The following NPAS3 variants were observed in gnomAD, a reference collection of about 807,000 sequenced individuals.
NPAS3 encodes the protein neuronal PAS domain-containing protein 3.
In NPAS3, 14 loss-of-function variants were observed where a neutral mutation model predicts 73.1. The ratio of observed to expected loss-of-function variants is 0.19; its 90% CI spans 0.13 to 0.30. The LOEUF is 0.30. Ranked by LOEUF, NPAS3 falls within the 10% of genes least tolerant of loss-of-function variation. The pLI, the probability that NPAS3 is intolerant of heterozygous loss-of-function variation, is 1.00. For synonymous variants in NPAS3, 620 were observed against 541.5 expected (o/e 1.14, Z -2.01); for missense variants, 1,096 against 1,250.0 (o/e 0.88, Z 1.86).
In NPAS3 at chr14:33,664,102, C is replaced by G. The variant is rs183835993; in HGVS notation, c.559-12109C>G. On this transcript the variant is annotated intron_variant, in intron 5 of 11. Coordinates refer to ENST00000356141, the Ensembl canonical transcript of NPAS3. ...AAGAACAAAGCTGGAGACATCATGC[C>G]ACCTGACTTCGAACTATACTACAAT... 2.8e-3 allele frequency among the ~76,000 whole-genome samples: 426 copies of G among 152,106 alleles called. 4 individuals carry two copies. The highest frequency in any genetic ancestry group is 9.4e-3 in the African/African-American group (389 of 41,492).
chr14:33,657,303 A>G (rs754939191), intron 5 of NPAS3, among the ~76,000 whole-genome samples: 2 of 152,212 alleles, frequency 1.3e-5, no homozygotes, highest in Non-Finnish European at 2.9e-5. Context: ...GAGGCCACAT[A>G]CAGAAAAGCC....
chr14:33,047,272 G>T (rs2040541902), intron 1 of NPAS3, among the ~76,000 whole-genome samples: 1 of 152,144 alleles, frequency 6.6e-6, no homozygotes, highest in African/African-American at 2.4e-5. Context: ...TCAAGCATAT[G>T]CAAGGTTAAT....
intron 7 of NPAS3, among the ~76,000 whole-genome samples, chr14:33,742,771 G>A (rs1052716064): frequency 8.5e-5 from 13 of 152,196 alleles, no homozygotes; most frequent in African/African-American, 3.1e-4. Context: ...CAAAACTGAA[G>A]TCAAGCTTTT....
At chr14:33,448,519 CT>C (rs1422697794) in intron 4 of NPAS3, among the ~76,000 whole-genome samples, 3 of 152,170 alleles carry the variant, frequency 2.0e-5, no homozygotes, top group African/African-American at 7.2e-5. Context: ...TTGCATCTTA[CT>C]TTATTCCATG....
chr14:33,027,165 C>T (rs1053414898), intron 1 of NPAS3, among the ~76,000 whole-genome samples: 3 of 152,156 alleles, frequency 2.0e-5, no homozygotes, highest in African/African-American at 7.2e-5. Flanking sequence ...GGAATTGGGC[C>T]ACTGCCAGAC....
chr14:33,264,258 A>T (rs1213381935), intron 3 of NPAS3, among the ~76,000 whole-genome samples: 1 of 150,770 alleles, frequency 6.6e-6, no homozygotes, highest in Non-Finnish European at 1.5e-5. Context: ...AACATCACAC[A>T]CTGGGGCCTG....
chr14:33,316,542 A>T (rs74042028), intron 3 of NPAS3, among the ~76,000 whole-genome samples: 3,944 of 152,144 alleles, frequency 0.026, 159 homozygotes, highest in African/African-American at 0.089. Context: ...TAGGCATGGA[A>T]ATCTATACTA....
intron 5 of NPAS3, among the ~76,000 whole-genome samples, chr14:33,656,693 TCA>T (rs2140254376): frequency 6.6e-6 from 1 of 152,344 alleles, no homozygotes; most frequent in South Asian, 2.1e-4. Context: ...ACATCTCTTT[TCA>T]CAGTTACCTT....
At chr14:33,360,945 C>G (rs1191459728) in intron 3 of NPAS3, among the ~76,000 whole-genome samples, 1 of 152,094 alleles carries the variant, frequency 6.6e-6, no homozygotes, top group Non-Finnish European at 1.5e-5. Flanking sequence ...CAAGTGCTGT[C>G]ACTCCAAACA....
intron 5 of NPAS3, among the ~76,000 whole-genome samples, chr14:33,658,639 A>G (rs975229848): frequency 3.3e-5 from 5 of 152,198 alleles, no homozygotes; most frequent in South Asian, 2.1e-4. Flanking sequence ...CCTGGAGCCC[A>G]TAGGTAGGCT....
chr14:33,799,835 G>A (rs2063631360), exon 12 of NPAS3: 16 of 1,614,090 alleles, frequency 9.9e-6, no homozygotes, highest in Non-Finnish European at 1.3e-5. Flanking sequence ...GTGTGACAAC[G>A]ACATGAACTG....
At chr14:33,490,921 A>C (rs535043770) in intron 4 of NPAS3, among the ~76,000 whole-genome samples, 147 of 152,314 alleles carry the variant, frequency 9.7e-4, no homozygotes, top group Middle Eastern at 3.4e-3. Flanking sequence ...AGCTGACCCA[A>C]AGGGCTGAAC....
intron 4 of NPAS3, among the ~76,000 whole-genome samples, chr14:33,534,180 T>G (rs1252230066): frequency 6.6e-6 from 1 of 151,534 alleles, no homozygotes; most frequent in East Asian, 1.9e-4. Flanking sequence ...ACTTGCAAAT[T>G]TCTGCTATGT....
intron 3 of NPAS3, among the ~76,000 whole-genome samples, chr14:33,267,109 A>G (rs991465916): frequency 2.0e-5 from 3 of 152,174 alleles, no homozygotes; most frequent in South Asian, 4.1e-4. Context: ...TTAAAAATCA[A>G]TGGTTGCATT....
chr14:32,938,663 C>G (rs1222297456), upstream of NPAS3, among the ~76,000 whole-genome samples: 6 of 151,350 alleles, frequency 4.0e-5, no homozygotes, highest in Non-Finnish European at 8.9e-5. Context: ...CGGCCTAGAC[C>G]CCGCGCCCCC....
At chr14:33,358,721 A>G (rs1161240466) in intron 3 of NPAS3, among the ~76,000 whole-genome samples, 1 of 152,168 alleles carries the variant, frequency 6.6e-6, no homozygotes, top group Admixed American at 6.5e-5. Context: ...TCAATTTTAT[A>G]TTCCCTGACA....
At chr14:33,135,504 A>G (rs767758430) in intron 2 of NPAS3, among the ~76,000 whole-genome samples, 5 of 152,210 alleles carry the variant, frequency 3.3e-5, no homozygotes, top group African/African-American at 4.8e-5. Context: ...TTTATTAATC[A>G]TTGCTGTGCA....
intron 3 of NPAS3, among the ~76,000 whole-genome samples, chr14:33,353,254 T>C (rs2045166224): frequency 6.6e-6 from 1 of 152,164 alleles, no homozygotes; most frequent in Non-Finnish European, 1.5e-5. Context: ...ATTCATTAAA[T>C]AATGCATTTT....
At chr14:33,583,451 G>C (rs958662641) in intron 5 of NPAS3, 3 of 152,138 alleles carry the variant, frequency 2.0e-5, no homozygotes, top group African/African-American at 7.2e-5. Context: ...TTCTTGCTTA[G>C]TGGTCTTTTA....
Sources: gnomAD v4.1 joint callset for allele counts (sites outside exome capture counted in the v4.1 genomes callset) on GRCh38, gnomAD v4.1.1 for gene constraint, MANE v1.5 for transcripts, NCBI Gene and HGNC (gene_info 2026-07-23, HGNC 2026-07-21) for gene names.